The following PLEKHA7 variants were observed in gnomAD, a reference collection of about 807,000 sequenced individuals.
The protein encoded by PLEKHA7 is pleckstrin homology domain-containing family A member 7.
A neutral mutation model predicts 170.0 loss-of-function variants in PLEKHA7; 104 were observed. The observed-to-expected ratio is 0.61, with a 90% confidence interval of 0.52 to 0.72. PLEKHA7 has a LOEUF of 0.72. PLEKHA7 is among the 30% of genes least tolerant of loss of function. PLEKHA7 has a pLI of 0.00. For synonymous variants in PLEKHA7, 648 were observed against 660.8 expected (o/e 0.98, Z 0.30); for missense variants, 1,615 against 1,671.7 (o/e 0.97, Z 0.59).
intron 21 of PLEKHA7, 125 bp from the exon 22 acceptor site, chr11:16,790,003 T>G: frequency 1.6e-5 from 13 of 838,274 alleles, no homozygotes; most frequent in Non-Finnish European, 2.1e-5. Context: ...CTTATTTCTC[T>G]TCTTCCTCCC....
rs1554992489 is a variant in PLEKHA7, at chr11:16,990,294, A to AAACAAAAAAC, written c.221+23694_221+23695insGTTTTTTGTT. ...GTCTCAAAAAAAAAAAAAAAAAAAAAAAAAACTTCTCCCTGTTCCCAGGTA... is the reference window on the plus strand; with the variant it reads ...GTCTCAAAAAAAAAAAAAAAAAAAAAAACAAAAAACAAAAACTTCTCCCTGTTCCCAGGTA... On this transcript the variant is annotated intron_variant, in intron 3 of 26. Coordinates refer to ENST00000531066, the MANE Select transcript of PLEKHA7 (RefSeq NM_001329630.2). Among the ~76,000 whole-genome samples, 459 of 148,908 alleles carry AAACAAAAAAC rather than the reference A, an allele frequency of 3.1e-3. 10 individuals carry two copies. Among genetic ancestry groups the AAACAAAAAAC allele is most frequent in the South Asian group, 0.012 (58 of 4,690 alleles).
intron 23 of PLEKHA7, 52 bp from the exon 24 acceptor site, chr11:16,786,439 G>A (rs1262826965): frequency 1.3e-6 from 2 of 1,532,220 alleles, no homozygotes; most frequent in African/African-American, 1.4e-5. Context: ...TGCTGAAAGA[G>A]CCCGGCTGGT....
intron 3 of PLEKHA7, among the ~76,000 whole-genome samples, chr11:16,896,052 C>A (rs1034913446): frequency 2.6e-5 from 4 of 152,176 alleles, no homozygotes; most frequent in Non-Finnish European, 5.9e-5. Flanking sequence ...CCTTTTCAGG[C>A]TAAATATCTT....
chr11:16,920,662 T>C (rs982167638), intron 3 of PLEKHA7, among the ~76,000 whole-genome samples: 4 of 152,348 alleles, frequency 2.6e-5, no homozygotes, highest in Non-Finnish European at 5.9e-5. Flanking sequence ...GTCCAGTCTC[T>C]GCCATTACAT....
chr11:16,961,898 G>C (rs774396365), intron 3 of PLEKHA7, among the ~76,000 whole-genome samples: 1 of 152,198 alleles, frequency 6.6e-6, no homozygotes, highest in South Asian at 2.1e-4. Flanking sequence ...GCTGCTGTGA[G>C]ATAACATGAG....
At chr11:16,894,970 G>A (rs1856909126) in intron 3 of PLEKHA7, among the ~76,000 whole-genome samples, 1 of 152,106 alleles carries the variant, frequency 6.6e-6, no homozygotes, top group Non-Finnish European at 1.5e-5. Context: ...TTTTACAGAT[G>A]AAGAAACTGA....
intron 3 of PLEKHA7, among the ~76,000 whole-genome samples, chr11:16,961,136 C>T (rs12276960): frequency 0.059 from 8,969 of 152,276 alleles, 857 homozygotes; most frequent in African/African-American, 0.2. Context: ...AACACAAAAC[C>T]CTCAAGTTTT....
At position 16,924,857 on chromosome 11, in the gene PLEKHA7, TAAA is replaced by T. The variant is rs1337061644; in HGVS notation, c.222-53678_222-53676del. On this transcript the variant is annotated intron_variant, in intron 3 of 26. Coordinates refer to ENST00000531066, the MANE Select transcript of PLEKHA7 (RefSeq NM_001329630.2). ...ACCTAGGAGCTTGCCGGCGTTGCCATAAAAGATGAGTAATGGCACCGGAGTCCC... is the reference window on the plus strand; with the variant it reads ...ACCTAGGAGCTTGCCGGCGTTGCCATAGATGAGTAATGGCACCGGAGTCCC... 3.3e-5 allele frequency among the ~76,000 whole-genome samples: 5 copies of T among 152,310 alleles called. No homozygotes were observed. The East Asian group carries it at 9.7e-4, about 29-fold the overall frequency.
At chr11:16,959,284 C>A (rs1336826198) in intron 3 of PLEKHA7, among the ~76,000 whole-genome samples, 1 of 151,918 alleles carries the variant, frequency 6.6e-6, no homozygotes. Context: ...CTCATGAGTT[C>A]CCATCATTGA....
chr11:16,795,052 A>T (rs912139274), intron 17 of PLEKHA7, 34 bp from the exon 18 acceptor site: 1 of 1,445,104 alleles, frequency 6.9e-7, no homozygotes, highest in African/African-American at 1.4e-5. Context: ...TTGCCTTCTT[A>T]GCTCCTTACA....
intron 3 of PLEKHA7, among the ~76,000 whole-genome samples, chr11:16,969,818 G>T (rs1011882682): frequency 6.6e-6 from 1 of 152,214 alleles, no homozygotes; most frequent in Admixed American, 6.5e-5. Context: ...GGATTACACT[G>T]GGAGTTCCCA....
At chr11:17,011,964 C>CTT (rs56311532) in intron 3 of PLEKHA7, among the ~76,000 whole-genome samples, 96,266 of 151,802 alleles carry the variant, frequency 0.63, 31,157 homozygotes, top group East Asian at 0.96. Context: ...CTCCCACAGA[C>CTT]TATTCAGTCC....
chr11:16,975,390 C>T (rs1188428416), intron 3 of PLEKHA7, among the ~76,000 whole-genome samples: 3 of 152,118 alleles, frequency 2.0e-5, no homozygotes, highest in Admixed American at 6.5e-5. Flanking sequence ...CTAAGTAAAT[C>T]GTAATTCAAC....
At chr11:16,794,826 C>T in intron 18 of PLEKHA7, 84 bp downstream of exon 18, 1 of 1,493,740 alleles carries the variant, frequency 6.7e-7, no homozygotes, top group Non-Finnish European at 9.3e-7. Flanking sequence ...AGGGCCATCC[C>T]ACCCACCTGG....
chr11:16,898,721 A>G (rs1302992002), intron 3 of PLEKHA7, among the ~76,000 whole-genome samples: 1 of 152,162 alleles, frequency 6.6e-6, no homozygotes, highest in African/African-American at 2.4e-5. Context: ...ACCTTCTCAC[A>G]GTCCTAAATC....
chr11:16,783,682 GAGCA>G lies in PLEKHA7; in HGVS notation c.3650+14_3650+17del. On this transcript the variant is annotated intron_variant, in intron 25 of 26. Coordinates refer to ENST00000531066, the MANE Select transcript of PLEKHA7 (RefSeq NM_001329630.2). Reference sequence around the variant, plus strand: ...GGGTCAGGGTGACCTGCCAACACTTGAGCAAGCGAGGGCTGACCTTGACCGGGCG... The same window carrying G: ...GGGTCAGGGTGACCTGCCAACACTTGAGCGAGGGCTGACCTTGACCGGGCG... 7.1e-7 allele frequency: 1 copy of G among 1,401,212 alleles called. No homozygotes were observed. Among genetic ancestry groups the G allele is most frequent in the Non-Finnish European group, 9.3e-7 (1 of 1,075,732 alleles). The allele number at this position is 1,401,212 out of a possible 1,614,324, so 86.8% of individuals were successfully genotyped here.
intron 3 of PLEKHA7, among the ~76,000 whole-genome samples, chr11:16,885,188 G>A (rs1050073522): frequency 3.3e-5 from 5 of 152,202 alleles, no homozygotes; most frequent in African/African-American, 9.6e-5. Context: ...AAATTATCCA[G>A]GTGTGGTGGC....
rs1188139052 is a variant in PLEKHA7, at chr11:16,789,547, C to T, written c.3156+228G>A. 9.7e-6 allele frequency: 6 copies of T among 616,136 alleles called. No homozygotes were observed. The Admixed American group carries it at 1.5e-4, about 15-fold the overall frequency. 38.2% of individuals were successfully genotyped at this position (616,136 alleles called of 1,614,324 possible). On this transcript the variant is annotated intron_variant, in intron 22 of 26. Coordinates refer to ENST00000531066, the MANE Select transcript of PLEKHA7 (RefSeq NM_001329630.2). This position sits in a 1 kb window ranked among gnomAD's most constrained non-coding sequence, Gnocchi z 4.6. ...TCAGGCCTGTCCAGTGAGGCCAGAA[C>T]CCAGGGTGCAGGCTTCTTGAGCTCC... is the stretch of plus-strand genomic sequence containing the variant.
chr11:16,823,610 G>A (rs980222078), intron 10 of PLEKHA7, among the ~76,000 whole-genome samples: 2 of 152,054 alleles, frequency 1.3e-5, no homozygotes, highest in African/African-American at 4.8e-5. Flanking sequence ...ACCTATGCTT[G>A]TATCTGCTGC....
Sources: allele counts gnomAD v4.1 joint callset (sites outside exome capture counted in the v4.1 genomes callset), GRCh38; gene constraint gnomAD v4.1.1; non-coding constraint Gnocchi (gnomAD v3.1); transcripts MANE v1.5; gene names NCBI Gene and HGNC (gene_info 2026-07-23, HGNC 2026-07-21).